STK33: variants seen among roughly 807,000 people sequenced by gnomAD.
STK33 encodes the protein serine/threonine-protein kinase 33.
A neutral mutation model predicts 58.0 loss-of-function variants in STK33; 52 were observed. The ratio of observed to expected loss-of-function variants is 0.90; its 90% CI spans 0.72 to 1.13. The LOEUF is 1.13. STK33 is among the 50% of genes most tolerant of loss of function. The pLI is 0.00. For missense variants in STK33, 630 were observed against 604.2 expected, an observed-to-expected ratio of 1.04 and a Z score of -0.45; for synonymous variants, 215 against 200.1, an observed-to-expected ratio of 1.07 and a Z score of -0.63.
chr11:8,503,381 C>T (rs7932312), intron 1 of STK33, among the ~76,000 whole-genome samples: 39,533 of 151,950 alleles, frequency 0.26, 5,275 homozygotes, highest in African/African-American at 0.32. Context: ...AAACCAAACA[C>T]GGCATGTTCT....
intron 1 of STK33, among the ~76,000 whole-genome samples, chr11:8,539,284 G>A (rs969526188): frequency 3.3e-5 from 5 of 152,136 alleles, no homozygotes; most frequent in Non-Finnish European, 5.9e-5. Context: ...TTGCTATCAA[G>A]CCCGTTTCTC....
intron 11 of STK33, among the ~76,000 whole-genome samples, chr11:8,452,340 T>A (rs868560475): frequency 1.2e-4 from 18 of 152,204 alleles, no homozygotes; most frequent in Non-Finnish European, 2.4e-4. Context: ...AAAATTTTTT[T>A]AAATCTTTAA....
chr11:8,523,200 T>C (rs892616378), intron 1 of STK33, among the ~76,000 whole-genome samples: 3 of 152,168 alleles, frequency 2.0e-5, no homozygotes, highest in African/African-American at 7.2e-5. Flanking sequence ...TTGCAGCCTC[T>C]GCCCAGCCGC....
intron 6 of STK33, among the ~76,000 whole-genome samples, chr11:8,471,273 A>G (rs1053864350): frequency 5.9e-5 from 9 of 152,240 alleles, no homozygotes; most frequent in Admixed American, 5.9e-4. Context: ...TTCTAAAATG[A>G]GAAATGGCCA....
intron 15 of STK33, among the ~76,000 whole-genome samples, chr11:8,407,335 T>C (rs1939415537): frequency 6.6e-6 from 1 of 152,064 alleles, no homozygotes; most frequent in Non-Finnish European, 1.5e-5. Flanking sequence ...TGTTTAGGTA[T>C]TGTTGTTATT....
chr11:8,379,782 T>A, the STK33 span, among the ~76,000 whole-genome samples: 1 of 152,154 alleles, frequency 6.6e-6, no homozygotes, highest in Non-Finnish European at 1.5e-5. Flanking sequence ...CACCCACCCT[T>A]CACCCTCTGA....
rs574050439 is a variant in STK33, at chr11:8,519,807, C to T, written c.-465-39193G>A. Among the ~76,000 whole-genome samples, 9 of 152,132 alleles carry T rather than the reference C, an allele frequency of 5.9e-5. No individual in the cohort carries two copies. In the South Asian group the frequency reaches 1.9e-3, roughly 32 times the overall value. ...GACTAAACCAGAAAGAGGTTGAATC[C>T]CTGAATAGACCAATAACAGGTTCTG... On this transcript the variant is annotated intron_variant, in intron 1 of 15. Transcript: ENST00000687296.
intron 1 of STK33, among the ~76,000 whole-genome samples, chr11:8,497,534 A>G (rs117456188): frequency 0.053 from 8,093 of 152,284 alleles, 290 homozygotes; most frequent in Non-Finnish European, 0.071. Context: ...TAGTAGCATG[A>G]TCACAGCTCA....
At chr11:8,493,812 T>C (rs527509169) in intron 1 of STK33, among the ~76,000 whole-genome samples, 1 of 152,178 alleles carries the variant, frequency 6.6e-6, no homozygotes, top group Admixed American at 6.5e-5. Context: ...TCACTATATG[T>C]AATCCATCAC....
chr11:8,365,057 C>G, the STK33 span, among the ~76,000 whole-genome samples: 11 of 142,146 alleles, frequency 7.7e-5, no homozygotes, highest in Non-Finnish European at 1.7e-4. Context: ...CAGCAGGGAA[C>G]AGCTGGTTAG....
chr11:8,423,423 G>A (rs1942241427), intron 14 of STK33, among the ~76,000 whole-genome samples: 1 of 151,892 alleles, frequency 6.6e-6, no homozygotes, highest in Non-Finnish European at 1.5e-5. Context: ...GTTTTGGTAT[G>A]TTGTATTTTC....
chr11:8,424,192 A>T (rs944537414), intron 14 of STK33, among the ~76,000 whole-genome samples: 127 of 131,920 alleles, frequency 9.6e-4, no homozygotes, highest in African/African-American at 3.2e-3. Flanking sequence ...CCTGTGTCCT[A>T]GTGTTCTCAT....
At chr11:8,347,756 G>C in the STK33 span, among the ~76,000 whole-genome samples, 202 of 152,346 alleles carry the variant, frequency 1.3e-3, 1 homozygote, top group African/African-American at 4.6e-3. Flanking sequence ...AACAGCACAA[G>C]CCTCTAATAT....
At chr11:8,550,983 A>C (rs1297543832) in intron 1 of STK33, among the ~76,000 whole-genome samples, 2 of 152,134 alleles carry the variant, frequency 1.3e-5, no homozygotes, top group Non-Finnish European at 2.9e-5. Flanking sequence ...CCAAGACTGG[A>C]AGAAAAAGAG....
intron 14 of STK33, among the ~76,000 whole-genome samples, chr11:8,415,201 A>C (rs1940941716): frequency 6.6e-6 from 1 of 152,122 alleles, no homozygotes; most frequent in African/African-American, 2.4e-5. Context: ...TCACTAGCAG[A>C]AAGTGACAAT....
chr11:8,438,924 G>A (rs1172634357), intron 12 of STK33, among the ~76,000 whole-genome samples: 3 of 152,118 alleles, frequency 2.0e-5, no homozygotes, highest in Non-Finnish European at 4.4e-5. Flanking sequence ...TCTAAGCAAC[G>A]ATGTGTGTTG....
intron 1 of STK33, among the ~76,000 whole-genome samples, chr11:8,545,285 T>C (rs904549684): frequency 6.6e-6 from 1 of 152,210 alleles, no homozygotes; most frequent in Non-Finnish European, 1.5e-5. Context: ...GGGTGTTGAT[T>C]TGTTCTTTTC....
the STK33 span, among the ~76,000 whole-genome samples, chr11:8,341,595 G>A: frequency 1.3e-5 from 2 of 152,242 alleles, no homozygotes; most frequent in African/African-American, 4.8e-5. Context: ...TAGGGCAGCA[G>A]CTGGAAAAAC....
the STK33 span, among the ~76,000 whole-genome samples, chr11:8,385,409 C>T: frequency 6.6e-6 from 1 of 152,296 alleles, no homozygotes; most frequent in East Asian, 1.9e-4. Flanking sequence ...TCATCCTGGC[C>T]TTTGGGCCAA....
Sources: allele counts gnomAD v4.1 joint callset (sites outside exome capture counted in the v4.1 genomes callset), GRCh38; gene constraint gnomAD v4.1.1; transcripts MANE v1.5; gene names NCBI Gene and HGNC (gene_info 2026-07-23, HGNC 2026-07-21).